PFKFB3: variants seen among roughly 807,000 people sequenced by gnomAD.
PFKFB3 encodes 6-phosphofructo-2-kinase/fructose-2,6-bisphosphatase 3.
In PFKFB3, 33 loss-of-function variants were observed where a neutral mutation model predicts 68.0. The ratio of observed to expected loss-of-function variants is 0.49; its 90% CI spans 0.37 to 0.65. PFKFB3 has a LOEUF of 0.65. PFKFB3 is among the 30% of genes least tolerant of loss of function. The pLI is 0.00. For synonymous variants in PFKFB3, 315 were observed against 288.2 expected, an observed-to-expected ratio of 1.09 and a Z score of -0.94; for missense variants, 586 against 712.2, an observed-to-expected ratio of 0.82 and a Z score of 2.02.
At chr10:6,151,388 C>A (rs1841580872) in intron 1 of PFKFB3, among the ~76,000 whole-genome samples, 1 of 151,762 alleles carries the variant, frequency 6.6e-6, no homozygotes, top group African/African-American at 2.4e-5. Flanking sequence ...CTGGCCTGGG[C>A]TTCAACACTC....
the PFKFB3 span, among the ~76,000 whole-genome samples, chr10:6,315,567 T>G: frequency 0.053 from 8,082 of 152,282 alleles, 302 homozygotes; most frequent in Middle Eastern, 0.18. Flanking sequence ...CACTGCAGCC[T>G]CCGCCTCCTG....
At chr10:6,282,826 A>G in the PFKFB3 span, among the ~76,000 whole-genome samples, 2 of 152,234 alleles carry the variant, frequency 1.3e-5, no homozygotes, top group Non-Finnish European at 2.9e-5. Context: ...CAGTTCAGCG[A>G]TAAGAGTATA....
chr10:6,324,678 C>T, the PFKFB3 span, among the ~76,000 whole-genome samples: 1 of 152,162 alleles, frequency 6.6e-6, no homozygotes, highest in African/African-American at 2.4e-5. Flanking sequence ...GATCCACCCA[C>T]CTCGGCCTCC....
At chr10:6,298,153 T>C in the PFKFB3 span, among the ~76,000 whole-genome samples, 5 of 152,238 alleles carry the variant, frequency 3.3e-5, no homozygotes, top group African/African-American at 1.2e-4. Flanking sequence ...AGGGAAAAAG[T>C]GGAGGAGACA....
Position 6,217,149 on chromosome 10 carries a change from G to A in PFKFB3, c.456G>A (p.Glu152=). ...ACTTCCACCAGGCGTTTTTCATCGA[G>A]TCGGTGTGCGACGACCCTACAGTTG... is the stretch of plus-strand genomic sequence containing the variant. ...KENDFKAFFI[E]SVCDDPTVVA... The change falls in exon 6 of 15, where the codon GAG becomes GAA. Residue 152 remains glutamate (E), a synonymous_variant. Coordinates refer to ENST00000379775, the MANE Select transcript of PFKFB3 (RefSeq NM_004566.4). 6.2e-7 allele frequency: 1 copy of A among 1,614,192 alleles called. No individual in the cohort carries two copies. The highest frequency in any genetic ancestry group is 8.5e-7 in the Non-Finnish European group (1 of 1,180,008).
the PFKFB3 span, among the ~76,000 whole-genome samples, chr10:6,263,103 G>A: frequency 5.9e-5 from 9 of 152,162 alleles, no homozygotes; most frequent in Admixed American, 3.9e-4. Context: ...CGAGAGCCCC[G>A]AACAGAGATT....
At chr10:6,293,680 C>A in the PFKFB3 span, 1 of 290,734 alleles carries the variant, frequency 3.4e-6, no homozygotes, top group South Asian at 4.7e-5. Flanking sequence ...ACCAACATGT[C>A]CAGTGCTATC....
chr10:6,174,484 G>A (rs1842404866), intron 1 of PFKFB3, among the ~76,000 whole-genome samples: 1 of 152,234 alleles, frequency 6.6e-6, no homozygotes, highest in Non-Finnish European at 1.5e-5. Context: ...GAGATTCCGT[G>A]GCCCGGGCTG....
At chr10:6,178,080 C>T (rs1050673660) in intron 1 of PFKFB3, among the ~76,000 whole-genome samples, 4 of 152,152 alleles carry the variant, frequency 2.6e-5, no homozygotes, top group African/African-American at 9.7e-5. Context: ...TCCAAGGAGG[C>T]CCTCAGGCTG....
chr10:6,231,152 C>A (rs1229670135), intron 14 of PFKFB3: 3 of 824,902 alleles, frequency 3.6e-6, no homozygotes, highest in Non-Finnish European at 6.1e-6. Context: ...ATTTGTGATG[C>A]AACCTTCATT....
chr10:6,206,686 T>C lies in PFKFB3; in HGVS notation c.76+3350T>C, dbSNP rs548792207. On this transcript the variant is annotated intron_variant, in intron 1 of 14. Transcript: ENST00000379775. ...GAGACGCTCCCCACATCTCAGACGA[T>C]GGGCGGCCGGGCAGAGATGCTCCTC... Among the ~76,000 whole-genome samples the C allele has an allele frequency of 5.4e-4, 79 of 145,030 alleles. 1 individual carries two copies. The highest frequency in any genetic ancestry group is 2.0e-3 in the African/African-American group (77 of 38,600).
the PFKFB3 span, among the ~76,000 whole-genome samples, chr10:6,299,923 C>T: frequency 1.4e-5 from 2 of 144,828 alleles, no homozygotes; most frequent in African/African-American, 5.1e-5. Flanking sequence ...TTGGACTTTC[C>T]TAGGCTTGCA....
At chr10:6,243,593 G>C (rs1190676156) in intron 14 of PFKFB3, among the ~76,000 whole-genome samples, 1 of 152,160 alleles carries the variant, frequency 6.6e-6, no homozygotes. Flanking sequence ...TTTCCTTCTG[G>C]GGCCTGTTCT....
chr10:6,231,779 G>T (rs952363952), intron 14 of PFKFB3, among the ~76,000 whole-genome samples: 2 of 151,640 alleles, frequency 1.3e-5, no homozygotes, highest in South Asian at 4.2e-4. Flanking sequence ...ATCAACCCCC[G>T]CAGGCAGCCG....
chr10:6,195,059 A>G (rs1193321228), intron 1 of PFKFB3, among the ~76,000 whole-genome samples: 1 of 151,798 alleles, frequency 6.6e-6, no homozygotes, highest in African/African-American at 2.4e-5. Flanking sequence ...TTTTATAGAG[A>G]TGGGGTTTCA....
chr10:6,205,805 T>TATTTATTC (rs1177188191), intron 1 of PFKFB3, among the ~76,000 whole-genome samples: 1 of 150,682 alleles, frequency 6.6e-6, no homozygotes, highest in Non-Finnish European at 1.5e-5. Context: ...TTTATTTATT[T>TATTTATTC]ATTCATTTTT....
intron 1 of PFKFB3, among the ~76,000 whole-genome samples, chr10:6,178,406 G>A (rs1373962380): frequency 6.6e-6 from 1 of 152,192 alleles, no homozygotes; most frequent in Non-Finnish European, 1.5e-5. Flanking sequence ...CGAAGGAGGC[G>A]TAGGACATGC....
chr10:6,207,219 C>T (rs950214956), intron 1 of PFKFB3, among the ~76,000 whole-genome samples: 1 of 152,190 alleles, frequency 6.6e-6, no homozygotes, highest in Admixed American at 6.5e-5. Flanking sequence ...GCGGATCACT[C>T]GCGGTTAGGA....
chr10:6,219,786 T>C (rs1844827182), intron 7 of PFKFB3, 93 bp downstream of exon 7: 1 of 1,408,948 alleles, frequency 7.1e-7, no homozygotes, highest in Non-Finnish European at 9.7e-7. Flanking sequence ...CCTGGATACC[T>C]TTAAAAAAAT....
Sources: gnomAD v4.1 joint callset for allele counts (sites outside exome capture counted in the v4.1 genomes callset) on GRCh38, gnomAD v4.1.1 for gene constraint, MANE v1.5 for transcripts, NCBI Gene and HGNC (gene_info 2026-07-23, HGNC 2026-07-21) for gene names.